The following ATP8A2 variants were observed in gnomAD, a reference collection of about 807,000 sequenced individuals.
ATP8A2 encodes the protein ATPase phospholipid transporting 8A2.
In ATP8A2, 100 loss-of-function variants were observed where a neutral mutation model predicts 165.6. The observed-to-expected ratio is 0.60, with a 90% CI of 0.51 to 0.71. The LOEUF is 0.71. Among genes scored for constraint, ATP8A2 ranks in the 30% least tolerant of loss-of-function variants. ATP8A2 has a pLI of 0.00. For synonymous variants in ATP8A2, 543 were observed against 548.8 expected, an observed-to-expected ratio of 0.99 and a Z score of 0.15; for missense variants, 1,227 against 1,479.5, an observed-to-expected ratio of 0.83 and a Z score of 2.80.
rs779063724 is a variant in ATP8A2, at chr13:25,963,423, AAAAG to A, written c.3272+1764_3272+1767del. Among the ~76,000 whole-genome samples, 477 of 148,810 alleles carry A rather than the reference AAAAG, an allele frequency of 3.2e-3. 2 individuals are homozygous for A. The Middle Eastern group carries it at 0.06, about 19-fold the overall frequency. On this transcript the variant is annotated intron_variant, in intron 34 of 36. Coordinates refer to ENST00000381655, the MANE Select transcript of ATP8A2 (RefSeq NM_016529.6). The stretch of plus-strand genomic sequence containing the variant: ...AAAAAAAAAAAAAGAAAAGAAAAGA[AAAAG>A]AAAAAGAAAAGAAAGAAAATATTAG...
intron 4 of ATP8A2, among the ~76,000 whole-genome samples, chr13:25,531,254 A>ATATATGT (rs1566229143): frequency 6.9e-4 from 13 of 18,794 alleles, no homozygotes; most frequent in African/African-American, 1.9e-3. Flanking sequence ...GTTATATATG[A>ATATATGT]TATATATGAT....
At chr13:25,537,374 C>T (rs1382531348) in intron 6 of ATP8A2, among the ~76,000 whole-genome samples, 2 of 152,150 alleles carry the variant, frequency 1.3e-5, no homozygotes, top group East Asian at 3.9e-4. Flanking sequence ...CACTCAGTGG[C>T]TGTATTACTG....
At chr13:25,945,081 A>T (rs759290729) in intron 33 of ATP8A2, among the ~76,000 whole-genome samples, 1 of 152,188 alleles carries the variant, frequency 6.6e-6, no homozygotes, top group Non-Finnish European at 1.5e-5. Context: ...TGATGAAAAC[A>T]GGAAATACTA....
At chr13:25,390,508 C>G (rs2033205005) in intron 1 of ATP8A2, among the ~76,000 whole-genome samples, 1 of 152,188 alleles carries the variant, frequency 6.6e-6, no homozygotes, top group African/African-American at 2.4e-5. Context: ...CTTCCCCTCT[C>G]CCAGCCCCTA....
intron 24 of ATP8A2, among the ~76,000 whole-genome samples, chr13:25,662,163 G>T (rs1334212364): frequency 2.0e-5 from 3 of 152,162 alleles, no homozygotes; most frequent in Non-Finnish European, 2.9e-5. Flanking sequence ...GAGGATAAAA[G>T]TGAGTTAATA....
intron 30 of ATP8A2, among the ~76,000 whole-genome samples, chr13:25,859,165 G>A (rs1952263263): frequency 2.0e-5 from 3 of 152,012 alleles, no homozygotes; most frequent in African/African-American, 7.3e-5. Context: ...TTGTACCACT[G>A]CATTCCAGCC....
chr13:25,926,854 T>A (rs553031347), intron 33 of ATP8A2, among the ~76,000 whole-genome samples: 1 of 152,280 alleles, frequency 6.6e-6, no homozygotes, highest in South Asian at 2.1e-4. Flanking sequence ...CTACAATTTT[T>A]AAAAATTTTA....
At chr13:25,480,582 C>A (rs61947641) in intron 2 of ATP8A2, among the ~76,000 whole-genome samples, 10 of 150,206 alleles carry the variant, frequency 6.7e-5, no homozygotes, top group South Asian at 2.1e-4. Flanking sequence ...GACGCTCCTC[C>A]CTTCCTAGAT....
At chr13:25,916,387 T>G (rs1034826753) in intron 33 of ATP8A2, among the ~76,000 whole-genome samples, 3 of 152,184 alleles carry the variant, frequency 2.0e-5, no homozygotes, top group African/African-American at 7.2e-5. Flanking sequence ...TGCATTCCCT[T>G]GGTGGGGACA....
intron 25 of ATP8A2, among the ~76,000 whole-genome samples, chr13:25,731,317 G>GA (rs2043634035): frequency 1.4e-5 from 2 of 146,930 alleles, no homozygotes; most frequent in Non-Finnish European, 3.0e-5. Flanking sequence ...AAGACCGGAA[G>GA]GAGAGAGAAA....
chr13:25,793,646 CA>C (rs1484899326), intron 27 of ATP8A2, among the ~76,000 whole-genome samples: 3 of 106,510 alleles, frequency 2.8e-5, no homozygotes, highest in Admixed American at 1.1e-4. Context: ...CAGGCTTTCT[CA>C]GGGGAGACTT....
intron 35 of ATP8A2, among the ~76,000 whole-genome samples, chr13:25,970,275 A>C (rs967017251): frequency 7.2e-5 from 11 of 152,182 alleles, no homozygotes; most frequent in African/African-American, 2.7e-4. Context: ...CATCACATAT[A>C]ATGTGGTGTG....
At chr13:25,398,959 A>C (rs963256390) in intron 1 of ATP8A2, among the ~76,000 whole-genome samples, 4 of 152,216 alleles carry the variant, frequency 2.6e-5, no homozygotes, top group Non-Finnish European at 5.9e-5. Context: ...GGCTCTGTAC[A>C]TATGTATAAT....
chr13:25,926,500 G>A (rs963688338), intron 33 of ATP8A2, among the ~76,000 whole-genome samples: 1 of 152,168 alleles, frequency 6.6e-6, no homozygotes, highest in Non-Finnish European at 1.5e-5. Flanking sequence ...TGGGGAGCAG[G>A]AACTGGGTCT....
At chr13:25,860,335 C>A in intron 31 of ATP8A2, 79 bp downstream of exon 31, 3 of 753,238 alleles carry the variant, frequency 4.0e-6, no homozygotes, top group South Asian at 3.6e-5. Flanking sequence ...TTAAAAAGGG[C>A]CTTCCTCATT....
intron 24 of ATP8A2, among the ~76,000 whole-genome samples, chr13:25,630,777 T>C (rs1312908001): frequency 1.4e-4 from 21 of 152,108 alleles, no homozygotes; most frequent in Admixed American, 1.4e-3. Flanking sequence ...GGCTAATGAA[T>C]AGGATGTTTA....
intron 2 of ATP8A2, among the ~76,000 whole-genome samples, chr13:25,479,900 C>T (rs1415922901): frequency 4.6e-5 from 7 of 152,074 alleles, no homozygotes; most frequent in Admixed American, 1.3e-4. Context: ...TCTTTCCACA[C>T]AGACACGGCA....
intron 27 of ATP8A2, among the ~76,000 whole-genome samples, chr13:25,821,776 A>C (rs997331826): frequency 3.9e-5 from 6 of 152,178 alleles, no homozygotes; most frequent in African/African-American, 1.4e-4. Context: ...TAGCAGCAGC[A>C]TCTTTGGCCC....
intron 25 of ATP8A2, among the ~76,000 whole-genome samples, chr13:25,708,992 CT>C (rs1270973888): frequency 6.6e-6 from 1 of 152,124 alleles, no homozygotes; most frequent in African/African-American, 2.4e-5. Flanking sequence ...CTGAGAGGGT[CT>C]GTTGAATGAT....
Sources: allele counts gnomAD v4.1 joint callset (sites outside exome capture counted in the v4.1 genomes callset), GRCh38; gene constraint gnomAD v4.1.1; transcripts MANE v1.5; gene names NCBI Gene and HGNC (gene_info 2026-07-23, HGNC 2026-07-21).